SDHB: variants seen among roughly 807,000 people sequenced by gnomAD.
SDHB encodes succinate dehydrogenase complex iron sulfur subunit B, also known as succinate dehydrogenase [ubiquinone] iron-sulfur subunit, mitochondrial.
Under a neutral mutation model 39.7 loss-of-function variants are expected in SDHB, and 21 were observed. That is an observed-to-expected ratio of 0.53 (90% CI 0.37 to 0.76). SDHB has a LOEUF of 0.76. Ranked by LOEUF, SDHB falls within the 30% of genes least tolerant of loss-of-function variation. SDHB has a pLI of 0.00. For synonymous variants in SDHB, 118 were observed against 117.0 expected (o/e 1.01, Z -0.06); for missense variants, 343 against 350.9 (o/e 0.98, Z 0.18).
rs186688286 is a variant in SDHB at position 17,032,356 on chromosome 1, T to A, written c.286+704A>T. ...GCGTCCGCTATCACGCCCGGCTAATTTTTGTATTTTTAGTAGAGACAAGGT... is the reference window on the plus strand; with the variant it reads ...GCGTCCGCTATCACGCCCGGCTAATATTTGTATTTTTAGTAGAGACAAGGT... On this transcript the variant is annotated intron_variant, in intron 3 of 7. Transcript: ENST00000375499. Among the ~76,000 whole-genome samples the A allele has an allele frequency of 7.2e-5, 11 of 151,966 alleles. No homozygotes were observed. In the East Asian group the frequency reaches 2.1e-3, roughly 29 times the overall value.
chr1:17,053,594 T>C (rs1030869358), intron 1 of SDHB, among the ~76,000 whole-genome samples: 1 of 152,046 alleles, frequency 6.6e-6, no homozygotes, highest in Non-Finnish European at 1.5e-5. Flanking sequence ...GATAGTTTGG[T>C]GGCAGAAAAA....
intron 5 of SDHB, among the ~76,000 whole-genome samples, chr1:17,027,461 G>A (rs552539300): frequency 6.6e-6 from 1 of 152,302 alleles, no homozygotes; most frequent in African/African-American, 2.4e-5. Context: ...TAAAGCCCAG[G>A]CAATTTACAT....
intron 2 of SDHB, among the ~76,000 whole-genome samples, chr1:17,036,212 T>C (rs1352240082): frequency 1.3e-5 from 2 of 152,318 alleles, no homozygotes; most frequent in South Asian, 2.1e-4. Flanking sequence ...CAACATTAAG[T>C]CTTCCAACCC....
At chr1:17,036,255 T>A (rs1451222593) in intron 2 of SDHB, among the ~76,000 whole-genome samples, 2 of 152,198 alleles carry the variant, frequency 1.3e-5, no homozygotes, top group African/African-American at 4.8e-5. Context: ...TTTATTTATG[T>A]CTTCTTAAAT....
chr1:17,052,791 A>C (rs923066329), intron 1 of SDHB, among the ~76,000 whole-genome samples: 1 of 152,226 alleles, frequency 6.6e-6, no homozygotes, highest in East Asian at 1.9e-4. Context: ...ATGCAGCCAT[A>C]GCAGGCACTT....
rs561466516 is a variant in SDHB at position 17,030,700 on chromosome 1, T to C, written c.287-1964A>G. Among the ~76,000 whole-genome samples the C allele has an allele frequency of 2.0e-3, 303 of 151,766 alleles. 1 individual carries two copies. Among genetic ancestry groups the C allele is most frequent in the South Asian group, 7.3e-3 (35 of 4,796 alleles). ...ACTGGTTATCATCTTTTTTTTTTTT[T>C]AGATGGAGTCTTGCTCTGTCGCCCA... On this transcript the variant is annotated intron_variant, in intron 3 of 7. Coordinates refer to ENST00000375499, the MANE Select transcript of SDHB (RefSeq NM_003000.3).
chr1:17,044,608 G>A (rs2078098507), intron 2 of SDHB, among the ~76,000 whole-genome samples, 153 bp downstream of exon 2: 1 of 152,194 alleles, frequency 6.6e-6, no homozygotes, highest in Non-Finnish European at 1.5e-5. Context: ...TTATAGGCGT[G>A]AGCCACCGTG....
intron 3 of SDHB, among the ~76,000 whole-genome samples, chr1:17,029,093 G>GT (rs746243819): frequency 0.36 from 26,070 of 71,692 alleles, 6,702 homozygotes; most frequent in Non-Finnish European, 0.45. Context: ...AAATCAGCCT[G>GT]TTTTTTTTTT....
At chr1:17,043,809 G>A (rs1455022316) in intron 2 of SDHB, among the ~76,000 whole-genome samples, 1 of 152,220 alleles carries the variant, frequency 6.6e-6, no homozygotes, top group African/African-American at 2.4e-5. Context: ...ACAGCCCTCA[G>A]CTTACAGTCA....
chr1:17,046,452 A>G (rs1382362575), intron 1 of SDHB, among the ~76,000 whole-genome samples: 2 of 152,190 alleles, frequency 1.3e-5, no homozygotes, highest in African/African-American at 4.8e-5. Context: ...TGACAAAGCA[A>G]TGTAATCCTA....
At chr1:17,037,101 A>G (rs890647626) in intron 2 of SDHB, among the ~76,000 whole-genome samples, 5 of 152,146 alleles carry the variant, frequency 3.3e-5, no homozygotes, top group African/African-American at 1.2e-4. Flanking sequence ...GTCGGATTAG[A>G]AGGAAATAGA....
At chr1:17,051,595 AC>A (rs2078147327) in intron 1 of SDHB, among the ~76,000 whole-genome samples, 2 of 152,080 alleles carry the variant, frequency 1.3e-5, no homozygotes, top group South Asian at 4.1e-4. Flanking sequence ...TCTATCACTT[AC>A]AAGCTGTGTA....
intron 5 of SDHB, among the ~76,000 whole-genome samples, chr1:17,024,606 G>GTGA (rs1291474897): frequency 6.6e-6 from 1 of 152,170 alleles, no homozygotes; most frequent in Non-Finnish European, 1.5e-5. Context: ...ATCCTGTGAG[G>GTGA]TGACTCCAGC....
chr1:17,035,808 C>T (rs1016429306), intron 2 of SDHB, among the ~76,000 whole-genome samples: 1 of 151,778 alleles, frequency 6.6e-6, no homozygotes, highest in Non-Finnish European at 1.5e-5. Context: ...TGCAGTGAGC[C>T]GAGACCGCAC....
intron 2 of SDHB, among the ~76,000 whole-genome samples, chr1:17,036,994 G>A (rs1238418300): frequency 1.3e-5 from 2 of 151,688 alleles, no homozygotes; most frequent in African/African-American, 4.8e-5. Context: ...TCTGCTACAC[G>A]CCAGTATTTT....
rs41310416 is a variant in SDHB, at chr1:17,033,082, G to C, written c.264C>G (p.Thr88=). ...KIKNEVDSTL[T]FRRSCREGIC... is the part of the protein sequence containing the mutation. ...CACCTTCTCTGCATGATCTTCGGAA[G>C]GTCAAAGTAGAGTCAACTTCATTCT... is the stretch of plus-strand genomic sequence containing the variant. Residue 88 remains threonine (T), a synonymous_variant, in exon 3 of 8, where the codon ACC becomes ACG. Coordinates refer to ENST00000375499, the MANE Select transcript of SDHB (RefSeq NM_003000.3). The C allele has an allele frequency of 7.4e-6, 12 of 1,613,662 alleles. No homozygotes were observed. The highest frequency in any genetic ancestry group is 3.3e-4 in the Middle Eastern group (2 of 6,062).
intron 1 of SDHB, chr1:17,045,295 G>A (rs1003144151): frequency 1.1e-5 from 3 of 264,274 alleles, no homozygotes; most frequent in South Asian, 3.7e-5. Flanking sequence ...GTGGAGGCTT[G>A]ACAAACCAGA....
At chr1:17,053,613 A>C (rs2078160582) in intron 1 of SDHB, among the ~76,000 whole-genome samples, 1 of 152,074 alleles carries the variant, frequency 6.6e-6, no homozygotes, top group Non-Finnish European at 1.5e-5. Context: ...AAGGGCTTGG[A>C]ACTCCAATGT....
intron 3 of SDHB, among the ~76,000 whole-genome samples, chr1:17,031,821 C>G (rs921117304): frequency 6.6e-6 from 1 of 152,058 alleles, no homozygotes; most frequent in Non-Finnish European, 1.5e-5. Flanking sequence ...TGTTCCAAGC[C>G]AAGTCAGTGC....
Sources: gnomAD v4.1 joint callset for allele counts (sites outside exome capture counted in the v4.1 genomes callset) on GRCh38, gnomAD v4.1.1 for gene constraint, MANE v1.5 for transcripts, NCBI Gene and HGNC (gene_info 2026-07-23, HGNC 2026-07-21) for gene names.